The following GPR149 variants were observed in gnomAD, a reference collection of about 807,000 sequenced individuals.
GPR149 encodes the protein probable G protein-coupled receptor 149.
GPR149 carries 50 observed loss-of-function variants against 50.2 expected under a neutral mutation model. That is an observed-to-expected ratio of 1.00 (90% CI 0.79 to 1.26). The LOEUF (loss-of-function observed/expected upper bound fraction) is 1.26. GPR149 is among the 50% of genes most tolerant of loss of function. The probability of loss-of-function intolerance (pLI) is 0.00; values close to 1 mark genes in which losing one functional copy is unlikely to be tolerated. For synonymous variants in GPR149, 405 were observed against 358.2 expected, an observed-to-expected ratio of 1.13 and a Z score of -1.48; for missense variants, 983 against 895.4, an observed-to-expected ratio of 1.10 and a Z score of -1.25.
chr3:154,340,554 T>C (rs1713767243), intron 3 of GPR149, among the ~76,000 whole-genome samples: 1 of 152,186 alleles, frequency 6.6e-6, no homozygotes, highest in Non-Finnish European at 1.5e-5. Flanking sequence ...ACCCCACAGA[T>C]GATTGGATGT....
chr3:154,358,266 T>G (rs1005947635), intron 3 of GPR149, among the ~76,000 whole-genome samples: 22 of 152,032 alleles, frequency 1.4e-4, no homozygotes, highest in African/African-American at 5.1e-4. Flanking sequence ...ATTGTGCACA[T>G]GTACCCTAAA....
chr3:154,355,126 C>T (rs1352596459), intron 3 of GPR149, among the ~76,000 whole-genome samples: 2 of 152,160 alleles, frequency 1.3e-5, no homozygotes, highest in Non-Finnish European at 2.9e-5. Context: ...CTCCTGGGTT[C>T]AAGCGGTTGT....
intron 3 of GPR149, among the ~76,000 whole-genome samples, chr3:154,362,288 CAAAA>C (rs34401689): frequency 1.1e-5 from 1 of 94,600 alleles, no homozygotes; most frequent in African/African-American, 4.4e-5. Context: ...GACTCCGTCT[CAAAA>C]AAAAAAAAAA....
chr3:154,424,211 A>G (rs933309546), intron 2 of GPR149, among the ~76,000 whole-genome samples: 13 of 151,954 alleles, frequency 8.6e-5, no homozygotes, highest in Admixed American at 2.6e-4. Context: ...CAGATCTTTG[A>G]ACCAAATTCA....
intron 3 of GPR149, among the ~76,000 whole-genome samples, chr3:154,373,559 G>A (rs1028199176): frequency 6.6e-6 from 1 of 152,092 alleles, no homozygotes; most frequent in Non-Finnish European, 1.5e-5. Flanking sequence ...CTCTTGTTAT[G>A]TTTGTTTGTA....
Position 154,421,137 on chromosome 3 carries a change from C to A in GPR149, c.1525G>T (p.Glu509Ter). Residue 509 changes from glutamate to a stop codon, truncating the protein, a stop_gained, in exon 3 of 4, where the codon GAA becomes TAA. Coordinates refer to ENST00000389740, the MANE Select transcript of GPR149 (RefSeq NM_001038705.3). LOFTEE classifies it high-confidence loss of function. ...DINYEETTFS[E>*]GPERRLSHEE... ...TGAGACAGTCTTCTTTCTGGCCCTT[C>A]AGAAAAGGTAGTTTCTTCATAGTTA... is the stretch of plus-strand genomic sequence containing the variant. 17 of 1,613,418 alleles carry A rather than the reference C, an allele frequency of 1.1e-5. No individual in the cohort carries two copies. Among genetic ancestry groups the A allele is most frequent in the Non-Finnish European group, 1.4e-5 (17 of 1,179,560 alleles).
rs532618344 is a variant in GPR149 at position 154,428,797 on chromosome 3, G to C, written c.819C>G (p.Thr273=). The change falls in exon 1 of 4, where the codon ACC becomes ACG. Residue 273 remains threonine, a synonymous_variant. Transcript: ENST00000389740. ...RSGGCSPSSD[T]VFGPGAPAAA... is the part of the protein sequence containing the mutation. Reference sequence around the variant, plus strand: ...CAGCGGGCGCACCCGGTCCGAACACGGTGTCGGAGCTCGGAGAGCATCCCC... The same window carrying C: ...CAGCGGGCGCACCCGGTCCGAACACCGTGTCGGAGCTCGGAGAGCATCCCC... 2.6e-5 allele frequency: 42 copies of C among 1,613,864 alleles called. 3 individuals carry two copies. In the South Asian group the frequency reaches 4.5e-4, roughly 17 times the overall value.
chr3:154,351,486 AT>A (rs1482623125), intron 3 of GPR149, among the ~76,000 whole-genome samples: 1 of 152,142 alleles, frequency 6.6e-6, no homozygotes, highest in Non-Finnish European at 1.5e-5. Context: ...GGAAGGGGTT[AT>A]TAGACTTGAC....
intron 3 of GPR149, among the ~76,000 whole-genome samples, chr3:154,367,194 G>A (rs563093939): frequency 6.6e-6 from 1 of 152,230 alleles, no homozygotes; most frequent in Non-Finnish European, 1.5e-5. Flanking sequence ...ACTTATTTTG[G>A]TCTTGGATGA....
Position 154,429,056 on chromosome 3 carries a change from G to A in GPR149, c.560C>T (p.Ser187Phe), listed in dbSNP as rs764115711. The A allele has an allele frequency of 8.1e-6, 13 of 1,613,828 alleles. No homozygotes were observed. Among genetic ancestry groups the A allele is most frequent in the African/African-American group, 1.3e-5 (1 of 74,946 alleles). Reference sequence around the variant, plus strand: ...AGAGAGGAATAGTACGTAGGAGCTGGAGCAGTCCACCAGGCAGCCCCAGGG... The same window carrying A: ...AGAGAGGAATAGTACGTAGGAGCTGAAGCAGTCCACCAGGCAGCCCCAGGG... ...RTPWGCLVDC[S>F]SSYVLFLSIV... The change falls in exon 1 of 4, where the codon TCC (serine) becomes TTC (phenylalanine). Residue 187 changes from serine (S) to phenylalanine (F), a missense_variant. Physicochemically the swap from Ser to Phe is radical, Grantham distance 155 (BLOSUM62 -2). Coordinates refer to ENST00000389740, the MANE Select transcript of GPR149 (RefSeq NM_001038705.3).
chr3:154,399,493 T>C (rs1442575147), intron 3 of GPR149, among the ~76,000 whole-genome samples: 1 of 152,204 alleles, frequency 6.6e-6, no homozygotes, highest in Non-Finnish European at 1.5e-5. Flanking sequence ...AATATCACCT[T>C]TCTCCTTAGT....
intron 3 of GPR149, among the ~76,000 whole-genome samples, chr3:154,373,043 A>G (rs1419277166): frequency 1.3e-5 from 2 of 152,178 alleles, no homozygotes; most frequent in African/African-American, 4.8e-5. Context: ...TTTCTGGAAT[A>G]TATATTTCAG....
intron 3 of GPR149, among the ~76,000 whole-genome samples, chr3:154,411,040 GC>G (rs1231495331): frequency 1.3e-5 from 2 of 151,818 alleles, no homozygotes; most frequent in African/African-American, 4.8e-5. Context: ...CCAAAAGGAA[GC>G]CTAAAAACCA....
chr3:154,341,167 G>A (rs1407891059), intron 3 of GPR149, among the ~76,000 whole-genome samples: 7 of 151,000 alleles, frequency 4.6e-5, no homozygotes, highest in African/African-American at 1.7e-4. Context: ...TAGATGGGGT[G>A]AGAAAAAAGA....
intron 3 of GPR149, among the ~76,000 whole-genome samples, chr3:154,370,771 T>C (rs946695396): frequency 1.3e-5 from 2 of 152,128 alleles, no homozygotes; most frequent in Non-Finnish European, 2.9e-5. Flanking sequence ...GTCCTCAAAG[T>C]CCATTACTAT....
At chr3:154,341,480 A>G (rs1381291343) in intron 3 of GPR149, among the ~76,000 whole-genome samples, 4 of 151,172 alleles carry the variant, frequency 2.6e-5, no homozygotes, top group Non-Finnish European at 5.9e-5. Context: ...AGAAATCAAT[A>G]GCTATTGCCA....
intron 3 of GPR149, among the ~76,000 whole-genome samples, chr3:154,391,693 A>G (rs1515644): frequency 0.96 from 145,338 of 151,716 alleles, 69,719 homozygotes; most frequent in East Asian, 1. Flanking sequence ...TCCAACTTAT[A>G]TTGGATCAAT....
At chr3:154,380,315 T>G (rs1254402048) in intron 3 of GPR149, among the ~76,000 whole-genome samples, 1 of 152,146 alleles carries the variant, frequency 6.6e-6, no homozygotes, top group Admixed American at 6.6e-5. Context: ...ATGCATTGTA[T>G]CGCACAGCAG....
intron 3 of GPR149, among the ~76,000 whole-genome samples, chr3:154,399,382 A>G (rs1348616426): frequency 1.3e-5 from 2 of 152,214 alleles, no homozygotes; most frequent in African/African-American, 2.4e-5. Context: ...AAAACGAATA[A>G]ATGCTATTAT....
Sources: allele counts gnomAD v4.1 joint callset (sites outside exome capture counted in the v4.1 genomes callset), GRCh38; gene constraint gnomAD v4.1.1; transcripts MANE v1.5; gene names NCBI Gene and HGNC (gene_info 2026-07-23, HGNC 2026-07-21).